The following KIF2A variants were observed in gnomAD, a reference collection of about 807,000 sequenced individuals.
The protein encoded by KIF2A is kinesin family member 2A.
In KIF2A, 22 loss-of-function variants were observed where a neutral mutation model predicts 100.2. That is an observed-to-expected ratio of 0.22 (90% CI 0.16 to 0.31). The LOEUF (loss-of-function observed/expected upper bound fraction) is 0.31, where lower values mean the gene tolerates loss of function less well. Ranked by LOEUF, KIF2A falls within the 10% of genes least tolerant of loss-of-function variation. KIF2A has a pLI of 1.00. For missense variants in KIF2A, 495 were observed against 898.7 expected, an observed-to-expected ratio of 0.55 and a Z score of 5.74; for synonymous variants, 268 against 285.9, an observed-to-expected ratio of 0.94 and a Z score of 0.63.
At chr5:62,381,864 CTG>C (rs1252461933) in intron 20 of KIF2A, among the ~76,000 whole-genome samples, 7 of 152,220 alleles carry the variant, frequency 4.6e-5, no homozygotes, top group Non-Finnish European at 7.3e-5. Flanking sequence ...CACTTGGCCT[CTG>C]CCACTTTTTT....
intron 1 of KIF2A, among the ~76,000 whole-genome samples, chr5:62,327,518 A>G (rs1475323236): frequency 6.6e-6 from 1 of 152,148 alleles, no homozygotes; most frequent in African/African-American, 2.4e-5. Flanking sequence ...GCTTTGACCA[A>G]CTTCAGTCTA....
intron 16 of KIF2A, among the ~76,000 whole-genome samples, chr5:62,369,740 T>C (rs533531814): frequency 7.2e-5 from 11 of 152,302 alleles, no homozygotes; most frequent in African/African-American, 2.6e-4. Flanking sequence ...TTATTTTTTT[T>C]AGGCCAATAC....
intron 10 of KIF2A, 29 bp downstream of exon 10, chr5:62,361,361 G>A (rs1169177204): frequency 1.3e-6 from 2 of 1,519,614 alleles, no homozygotes; most frequent in Admixed American, 1.7e-5. Context: ...TTACATTCTG[G>A]TACGAAGCTA....
At chr5:62,356,568 A>G (rs1748116802) in intron 7 of KIF2A, among the ~76,000 whole-genome samples, 1 of 152,168 alleles carries the variant, frequency 6.6e-6, no homozygotes, top group Admixed American at 6.5e-5. Context: ...ATGTATTGGG[A>G]ACAAAATTTT....
chr5:62,383,269 G>C (rs907116911), intron 20 of KIF2A, among the ~76,000 whole-genome samples: 1 of 95,218 alleles, frequency 1.1e-5, no homozygotes, highest in Non-Finnish European at 1.9e-5. Flanking sequence ...TTGAGATGGA[G>C]TCTCACTCTG....
chr5:62,384,432 A>G (rs1741923986), intron 20 of KIF2A, among the ~76,000 whole-genome samples: 1 of 152,180 alleles, frequency 6.6e-6, no homozygotes. Flanking sequence ...CACTGTTAAC[A>G]TTTGGGGCTA....
Position 62,324,429 on chromosome 5 carries a change from A to G in KIF2A, c.64+17893A>G, listed in dbSNP as rs1055567531. ...AATCCTAAGCAAAAATAACAAAACC[A>G]GAGGTATTATACTACCCCCATTTCA... is the stretch of plus-strand genomic sequence containing the variant. On this transcript the variant is annotated intron_variant, in intron 1 of 20. Transcript: ENST00000407818. 3.9e-5 allele frequency among the ~76,000 whole-genome samples: 6 copies of G among 152,206 alleles called. No individual in the cohort carries two copies. In the South Asian group the frequency reaches 6.2e-4, roughly 16 times the overall value.
At position 62,363,340 on chromosome 5, in the gene KIF2A, AG is replaced by A; in HGVS notation, c.1262+21del. ...TTGCAGGTAAATCTCATTTTGATTA[AG>A]AAAGGAAACATCAGTTTTAGAAACT... On this transcript the variant is annotated intron_variant, in intron 13 of 20. Coordinates refer to ENST00000407818, the MANE Select transcript of KIF2A (RefSeq NM_001098511.3). 6.2e-7 allele frequency: 1 copy of A among 1,601,910 alleles called. No homozygotes were observed. Among genetic ancestry groups the A allele is most frequent in the Non-Finnish European group, 8.5e-7 (1 of 1,175,488 alleles).
intron 19 of KIF2A, 103 bp from the exon 20 acceptor site, chr5:62,381,015 G>C: frequency 1.2e-6 from 1 of 826,368 alleles, no homozygotes; most frequent in Non-Finnish European, 1.9e-6. Flanking sequence ...TGACATTTTA[G>C]AGAATACTAT....
chr5:62,348,638 A>C (rs1747693790), intron 3 of KIF2A, among the ~76,000 whole-genome samples: 1 of 152,216 alleles, frequency 6.6e-6, no homozygotes, highest in Admixed American at 6.5e-5. Context: ...AAACTGTGCT[A>C]AATCCTCCCT....
At chr5:62,362,576 A>G (rs1561274046) in intron 12 of KIF2A, 35 bp downstream of exon 12, 1 of 931,334 alleles carries the variant, frequency 1.1e-6, no homozygotes, top group South Asian at 2.1e-5. Flanking sequence ...AATTTTTTAA[A>G]ATATATATAT....
chr5:62,362,460 C>A lies in KIF2A; in HGVS notation c.1038C>A (p.Val346=). 7.0e-7 allele frequency: 1 copy of A among 1,434,912 alleles called. No homozygotes were observed. The allele number at this position is 1,434,912 out of a possible 1,614,324, so 88.9% of individuals were successfully genotyped here. A position where few individuals can be genotyped will look rare whatever the true frequency, so the allele number is the denominator to read the frequency against. Residue 346 remains valine (V), a synonymous_variant, in exon 12 of 21, where the codon GTC becomes GTA. Transcript: ENST00000407818. ...TGAAATTTTTGACAGCTCGAGATGT[C>A]TTTTTAATGCTAAAGAAGCCAAACT... ...KGIYALAARD[V]FLMLKKPNYK...
intron 20 of KIF2A, among the ~76,000 whole-genome samples, chr5:62,383,734 T>C (rs1306108792): frequency 6.6e-6 from 1 of 152,222 alleles, no homozygotes; most frequent in African/African-American, 2.4e-5. Flanking sequence ...TCTGCAATAA[T>C]TCACAATCAG....
rs776206212 is a variant in KIF2A, at chr5:62,363,835, C to G, written c.1403C>G (p.Ser468Cys). 1 of 1,613,814 alleles carries G rather than the reference C, an allele frequency of 6.2e-7. No homozygotes were observed. The stretch of plus-strand genomic sequence containing the variant: ...GGAAATGAAAGAGGAGCTGATACTT[C>G]CAGTGCGGACAGGCAAACTAGGCTT... ...LAGNERGADTSSADRQTRLEG... is the reference protein window; with the variant it reads ...LAGNERGADTCSADRQTRLEG... The change falls in exon 14 of 21, where the codon TCC (serine) becomes TGC (cysteine). Residue 468 changes from serine to cysteine, a missense_variant. Ser to Cys is a moderately radical substitution (Grantham distance 112). This residue lies in a region of KIF2A where 16 missense variants were observed against 78.1 expected (regional missense o/e 0.20). Transcript: ENST00000407818.
At chr5:62,372,973 A>G (rs1460263780) in intron 17 of KIF2A, among the ~76,000 whole-genome samples, 4 of 152,030 alleles carry the variant, frequency 2.6e-5, no homozygotes, top group Non-Finnish European at 5.9e-5. Flanking sequence ...GTGGTGGCTC[A>G]CACCTGTAAT....
chr5:62,385,338 C>T lies in KIF2A; in HGVS notation c.2150-146C>T, dbSNP rs528772520. 1.1e-4 allele frequency: 60 copies of T among 567,856 alleles called. No homozygotes were observed. In the East Asian group the frequency reaches 1.6e-3, roughly 15 times the overall value. 35.2% of individuals were successfully genotyped at this position (567,856 alleles called of 1,614,324 possible). On this transcript the variant is annotated intron_variant, in intron 20 of 20. Coordinates refer to ENST00000407818, the MANE Select transcript of KIF2A (RefSeq NM_001098511.3). ...AATAGTTGAGCATTCTATTTAGTTC[C>T]GAGTTTCTAGACAACAAAGAACAAA...
chr5:62,361,544 T>C lies in KIF2A; in HGVS notation c.1027+15T>C, dbSNP rs781390897. 2.5e-5 allele frequency: 36 copies of C among 1,466,998 alleles called. No individual in the cohort carries two copies. The highest frequency in any genetic ancestry group is 1.8e-4 in the Middle Eastern group (1 of 5,412). The allele number at this position is 1,466,998 out of a possible 1,614,324, so 90.9% of individuals were successfully genotyped here. A position where few individuals can be genotyped will look rare whatever the true frequency, so the allele number is the denominator to read the frequency against. ...TGCATTAGCAGGTAACTGTCCTTTT[T>C]CCATAAAATTTGGAATATTCTTCTG... On this transcript the variant is annotated intron_variant, in intron 11 of 20. Transcript: ENST00000407818.
At chr5:62,358,610 G>A (rs1324752881) in intron 9 of KIF2A, among the ~76,000 whole-genome samples, 1 of 152,064 alleles carries the variant, frequency 6.6e-6, no homozygotes. Context: ...ATTACCTCTA[G>A]GAATAGGATA....
chr5:62,366,487 A>T lies in KIF2A; in HGVS notation c.1646+6A>T. 6.6e-7 allele frequency: 1 copy of T among 1,509,764 alleles called. No individual in the cohort carries two copies. Among genetic ancestry groups the T allele is most frequent in the Non-Finnish European group, 9.1e-7 (1 of 1,097,670 alleles). The allele number at this position is 1,509,764 out of a possible 1,614,324, so 93.5% of individuals were successfully genotyped here. A position where few individuals can be genotyped will look rare whatever the true frequency, so the allele number is the denominator to read the frequency against. On this transcript the variant is annotated splice_donor_region_variant and intron_variant, in intron 16 of 20. Transcript: ENST00000407818. ...ACATTAAGATATGCAAATAGGTATGAGAGATAGTTCTCCATTTTGAAATTT... is the reference window on the plus strand; with the variant it reads ...ACATTAAGATATGCAAATAGGTATGTGAGATAGTTCTCCATTTTGAAATTT...
Sources: allele counts gnomAD v4.1 joint callset (sites outside exome capture counted in the v4.1 genomes callset), GRCh38; gene constraint gnomAD v4.1.1; regional missense constraint gnomAD v4.1.1; transcripts MANE v1.5; gene names NCBI Gene and HGNC (gene_info 2026-07-23, HGNC 2026-07-21).